Variants in ASXL1 observed in about 807,000 individuals in gnomAD.
ASXL1 encodes polycomb group protein ASXL1.
In ASXL1, 65 loss-of-function variants were observed where a neutral mutation model predicts 89.1. The ratio of observed to expected loss-of-function variants is 0.73; its 90% CI spans 0.60 to 0.90. The LOEUF (loss-of-function observed/expected upper bound fraction) is 0.90. Ranked by LOEUF, ASXL1 falls within the 40% of genes least tolerant of loss-of-function variation. ASXL1 has a pLI of 0.00. For missense variants in ASXL1, 1,786 were observed against 1,942.9 expected, an observed-to-expected ratio of 0.92 and a Z score of 1.52; for synonymous variants, 739 against 746.9, an observed-to-expected ratio of 0.99 and a Z score of 0.17.
chr20:32,364,688 G>C (rs894049591), intron 1 of ASXL1, among the ~76,000 whole-genome samples: 2 of 152,174 alleles, frequency 1.3e-5, no homozygotes, highest in Non-Finnish European at 2.9e-5. Context: ...GTGCACCACC[G>C]TGCCTGGCCT....
intron 4 of ASXL1, among the ~76,000 whole-genome samples, chr20:32,392,135 C>CA (rs2048683374): frequency 6.6e-6 from 1 of 151,776 alleles, no homozygotes; most frequent in East Asian, 1.9e-4. Context: ...ATTTTTAGAG[C>CA]CAAGGTCTTG....
intron 4 of ASXL1, among the ~76,000 whole-genome samples, chr20:32,410,543 G>A (rs1360805603): frequency 6.6e-6 from 1 of 152,152 alleles, no homozygotes; most frequent in East Asian, 1.9e-4. Flanking sequence ...AAGTTATGTG[G>A]ATGTGATCCT....
intron 4 of ASXL1, among the ~76,000 whole-genome samples, chr20:32,379,150 A>C (rs1481973457): frequency 7.7e-6 from 1 of 130,052 alleles, no homozygotes; most frequent in Admixed American, 8.0e-5. Flanking sequence ...ACTGTCAGGT[A>C]TAACTTCAGT....
chr20:32,422,324 A>T (rs1442738133), intron 4 of ASXL1, among the ~76,000 whole-genome samples: 1 of 151,058 alleles, frequency 6.6e-6, no homozygotes, highest in East Asian at 1.9e-4. Context: ...CTGTGTTTAA[A>T]TTAAACTTTA....
At position 32,437,886 on chromosome 20, in the gene ASXL1, G is replaced by A. The variant is rs41289852; in HGVS notation, c.*548G>A. The stretch of plus-strand genomic sequence containing the variant: ...ACAGTTGAGTCATTTGCCAGTTGAC[G>A]GAGCAAGTTTGACCTTGGTTCTGTT... On this transcript the variant is annotated 3_prime_UTR_variant, in exon 13 of 13. Coordinates refer to ENST00000375687, the MANE Select transcript of ASXL1 (RefSeq NM_015338.6). The A allele has an allele frequency of 3.7e-5, 9 of 240,368 alleles. No homozygotes were observed. Among genetic ancestry groups the A allele is most frequent in the Non-Finnish European group, 7.4e-5 (9 of 122,256 alleles). 14.9% of individuals were successfully genotyped at this position (240,368 alleles called of 1,614,324 possible). A position where few individuals can be genotyped will look rare whatever the true frequency, so the allele number is the denominator to read the frequency against.
At chr20:32,431,271 GT>G in intron 8 of ASXL1, 49 bp from the exon 9 acceptor site, 1 of 1,613,206 alleles carries the variant, frequency 6.2e-7, no homozygotes, top group Non-Finnish European at 8.5e-7. Flanking sequence ...GTTGGCATTT[GT>G]TTTTTCTTTT....
At chr20:32,400,220 A>G (rs2048849216) in intron 4 of ASXL1, among the ~76,000 whole-genome samples, 1 of 152,072 alleles carries the variant, frequency 6.6e-6, no homozygotes. Context: ...GTTGGTTGCA[A>G]TTGACTATTC....
intron 4 of ASXL1, among the ~76,000 whole-genome samples, chr20:32,422,874 C>A (rs1471916192): frequency 6.6e-6 from 1 of 151,980 alleles, no homozygotes; most frequent in Non-Finnish European, 1.5e-5. Context: ...CATGAGCCAC[C>A]GTGCCCGGCC....
intron 4 of ASXL1, among the ~76,000 whole-genome samples, chr20:32,418,848 T>G (rs1326167200): frequency 1.2e-5 from 1 of 83,118 alleles, no homozygotes; most frequent in Non-Finnish European, 2.3e-5. Flanking sequence ...TTTTTTTTTT[T>G]TTGAGACGGA....
intron 4 of ASXL1, among the ~76,000 whole-genome samples, chr20:32,417,134 A>G (rs2049151544): frequency 6.6e-6 from 1 of 152,170 alleles, no homozygotes. Flanking sequence ...CTTTGTCTAC[A>G]TTTTATTTTT....
At chr20:32,412,587 G>T (rs944767064) in intron 4 of ASXL1, among the ~76,000 whole-genome samples, 1 of 146,230 alleles carries the variant, frequency 6.8e-6, no homozygotes, top group African/African-American at 2.5e-5. Flanking sequence ...CTTAAGAAAA[G>T]AAATAAATTT....
rs2012063624 is a variant in ASXL1 at position 32,438,740 on chromosome 20, TCA to T, written c.*1405_*1406del. ...GATCTGGCTCCAGGGTCACCACCTG[TCA>T]CAGCAATACCTGGGACCATGCTCTC... On this transcript the variant is annotated 3_prime_UTR_variant, in exon 13 of 13. Transcript: ENST00000375687. The T allele has an allele frequency of 4.3e-6, 1 of 233,572 alleles. No individual in the cohort carries two copies. The allele number at this position is 233,572 out of a possible 1,614,324, so 14.5% of individuals were successfully genotyped here.
intron 4 of ASXL1, among the ~76,000 whole-genome samples, chr20:32,400,682 GGTATT>G (rs1329218293): frequency 6.6e-6 from 1 of 152,256 alleles, no homozygotes; most frequent in East Asian, 1.9e-4. Context: ...TCTACTGTGT[GGTATT>G]GTCCCATGAA....
At chr20:32,359,749 G>A in intron 1 of ASXL1, 1 of 718,136 alleles carries the variant, frequency 1.4e-6, no homozygotes, top group Non-Finnish European at 2.6e-6. Flanking sequence ...TTCAACCGAT[G>A]GGGGTTGTGA....
At chr20:32,370,891 CT>C (rs1460866225) in intron 4 of ASXL1, among the ~76,000 whole-genome samples, 1 of 148,968 alleles carries the variant, frequency 6.7e-6, no homozygotes, top group Non-Finnish European at 1.5e-5. Context: ...TGGCTCATGC[CT>C]GTAATCCCAG....
intron 3 of ASXL1, 84 bp from the exon 4 acceptor site, chr20:32,368,931 A>G (rs896357808): frequency 8.7e-7 from 1 of 1,144,848 alleles, no homozygotes; most frequent in African/African-American, 1.5e-5. Context: ...GCTTCTTCTC[A>G]TTTAAGAATG....
intron 4 of ASXL1, among the ~76,000 whole-genome samples, chr20:32,422,619 C>G (rs1033140556): frequency 7.2e-6 from 1 of 138,504 alleles, no homozygotes. Context: ...CAGAGTCTTG[C>G]ACTGTCTCCC....
At chr20:32,427,707 G>A (rs980680536) in intron 4 of ASXL1, 3 of 258,052 alleles carry the variant, frequency 1.2e-5, no homozygotes, top group African/African-American at 2.2e-5. Context: ...GCCGTCTTTC[G>A]CTCAACTCAT....
chr20:32,396,210 G>A (rs2048760277), intron 4 of ASXL1, among the ~76,000 whole-genome samples: 2 of 151,998 alleles, frequency 1.3e-5, no homozygotes, highest in Middle Eastern at 3.4e-3. Context: ...ATCATCTTTG[G>A]GTCTGTTTTT....
Sources: gnomAD v4.1 joint callset for allele counts (sites outside exome capture counted in the v4.1 genomes callset) on GRCh38, gnomAD v4.1.1 for gene constraint, MANE v1.5 for transcripts, NCBI Gene and HGNC (gene_info 2026-07-23, HGNC 2026-07-21) for gene names.